The following RPH3AL variants were observed in gnomAD, a reference collection of about 807,000 sequenced individuals.
RPH3AL encodes rabphilin 3A like (without C2 domains), also known as rab effector Noc2.
In RPH3AL, 38 loss-of-function variants were observed where a neutral mutation model predicts 43.1. The observed-to-expected ratio is 0.88, with a 90% CI of 0.68 to 1.15. The LOEUF is 1.15. Ranked by LOEUF, RPH3AL falls within the 50% of genes most tolerant of loss-of-function variation. The pLI, the probability that RPH3AL is intolerant of heterozygous loss-of-function variation, is 0.00. For missense variants in RPH3AL, 462 were observed against 423.2 expected, an observed-to-expected ratio of 1.09 and a Z score of -0.81; for synonymous variants, 189 against 176.3, an observed-to-expected ratio of 1.07 and a Z score of -0.57.
rs1165998989 is a variant in RPH3AL at position 283,607 on chromosome 17, C to G, written c.352-1753G>C. On this transcript the variant is annotated intron_variant, in intron 5 of 9. Coordinates refer to ENST00000331302, the MANE Select transcript of RPH3AL (RefSeq NM_006987.4). This position sits in a 1 kb window ranked among gnomAD's most constrained non-coding sequence, Gnocchi z 4.2. ...CCAGATCTGCAGAGGGTCCCCTGAGCGCCGTCCACACTCCTCACTGCTGGC... is the reference window on the plus strand; with the variant it reads ...CCAGATCTGCAGAGGGTCCCCTGAGGGCCGTCCACACTCCTCACTGCTGGC... Among the ~76,000 whole-genome samples, 1 of 152,032 alleles carries G rather than the reference C, an allele frequency of 6.6e-6. No homozygotes were observed. Among genetic ancestry groups the G allele is most frequent in the East Asian group, 1.9e-4 (1 of 5,164 alleles).
intron 6 of RPH3AL, among the ~76,000 whole-genome samples, chr17:252,502 C>A (rs1327485594): frequency 6.6e-6 from 1 of 152,292 alleles, no homozygotes; most frequent in African/African-American, 2.4e-5. Flanking sequence ...CCCTGTCCCC[C>A]AACACCTCAC....
intron 7 of RPH3AL, among the ~76,000 whole-genome samples, chr17:236,068 G>T (rs1170990300): frequency 6.6e-6 from 1 of 150,810 alleles, no homozygotes; most frequent in Non-Finnish European, 1.5e-5. Flanking sequence ...TCAAAGCTGG[G>T]GTCGGCCACA....
intron 6 of RPH3AL, among the ~76,000 whole-genome samples, chr17:262,353 T>C (rs955098734): frequency 7.9e-5 from 12 of 152,034 alleles, no homozygotes; most frequent in Non-Finnish European, 1.0e-4. Context: ...GTAGCTGGGA[T>C]TACAGGCACC....
At chr17:227,234 T>A (rs979701310) in intron 7 of RPH3AL, among the ~76,000 whole-genome samples, 1 of 152,236 alleles carries the variant, frequency 6.6e-6, no homozygotes. Flanking sequence ...CCCACTTCTC[T>A]GGGGAGAGGC....
Position 289,788 on chromosome 17 carries a change from T to C in RPH3AL, c.352-7934A>G, listed in dbSNP as rs867773130. ...TGTTGCCCCCTCTGTGTGGCCACGC[T>C]GTCTCTTCATTAACCTACACACCCC... On this transcript the variant is annotated intron_variant, in intron 5 of 9. Transcript: ENST00000331302. The surrounding 1 kb of genome is among the most constrained non-coding windows in gnomAD (Gnocchi z 5.2). Among the ~76,000 whole-genome samples, 12 of 152,350 alleles carry C rather than the reference T, an allele frequency of 7.9e-5. No individual in the cohort carries two copies. Among genetic ancestry groups the C allele is most frequent in the Middle Eastern group, 3.4e-3 (1 of 294 alleles).
chr17:244,733 G>T (rs143765560), intron 7 of RPH3AL, among the ~76,000 whole-genome samples: 2,566 of 152,296 alleles, frequency 0.017, 40 homozygotes, highest in Middle Eastern at 0.037. Flanking sequence ...CCTCGCCCAT[G>T]AAATTAAAAG....
chr17:218,786 G>A (rs116361317), intron 8 of RPH3AL, among the ~76,000 whole-genome samples: 156 of 152,278 alleles, frequency 1.0e-3, no homozygotes, highest in African/African-American at 3.6e-3. Context: ...GAGGCCACCC[G>A]TTCTGTCTCA....
rs560041461 is a variant in RPH3AL at position 272,007 on chromosome 17, G to T, written c.438+9761C>A. The stretch of plus-strand genomic sequence containing the variant: ...GCAGCCAAAAAACACATGAAAAAAT[G>T]CTCACCATCACTGGCCATCAGAGAA... On this transcript the variant is annotated intron_variant, in intron 6 of 9. Transcript: ENST00000331302. Among the ~76,000 whole-genome samples the T allele has an allele frequency of 4.6e-4, 70 of 152,290 alleles. No homozygotes were observed. The Middle Eastern group carries it at 0.01, about 22-fold the overall frequency.
intron 5 of RPH3AL, among the ~76,000 whole-genome samples, chr17:307,807 T>G (rs2043539620): frequency 6.6e-6 from 1 of 152,210 alleles, no homozygotes; most frequent in African/African-American, 2.4e-5. Flanking sequence ...CTGCTCCTTC[T>G]TTCTTTGGAA....
At chr17:277,040 A>G (rs1458250808) in intron 6 of RPH3AL, among the ~76,000 whole-genome samples, 2 of 152,250 alleles carry the variant, frequency 1.3e-5, no homozygotes, top group African/African-American at 4.8e-5. Context: ...ATAACTCAAG[A>G]GTCTACAAGA....
At chr17:248,860 A>G (rs1232526386) in intron 6 of RPH3AL, among the ~76,000 whole-genome samples, 1 of 152,188 alleles carries the variant, frequency 6.6e-6, no homozygotes, top group African/African-American at 2.4e-5. Flanking sequence ...AGCAAAGGGC[A>G]CCCAGAAGGT....
rs2042279405 is a variant in RPH3AL at position 264,604 on chromosome 17, G to A, written c.438+17164C>T. Among the ~76,000 whole-genome samples the A allele has an allele frequency of 6.6e-6, 1 of 152,208 alleles. No individual in the cohort carries two copies. Among genetic ancestry groups the A allele is most frequent in the Non-Finnish European group, 1.5e-5 (1 of 68,034 alleles). Reference sequence around the variant, plus strand: ...ATGGTGGTTTTCCGCTGATCGGTGTGAGGAGGGCATGAAGCATGTCACAAG... The same window carrying A: ...ATGGTGGTTTTCCGCTGATCGGTGTAAGGAGGGCATGAAGCATGTCACAAG... On this transcript the variant is annotated intron_variant, in intron 6 of 9. Transcript: ENST00000331302. This position sits in a 1 kb window ranked among gnomAD's most constrained non-coding sequence, Gnocchi z 4.8.
chr17:269,001 C>T (rs2042392349), intron 6 of RPH3AL, among the ~76,000 whole-genome samples: 1 of 152,180 alleles, frequency 6.6e-6, no homozygotes, highest in Non-Finnish European at 1.5e-5. Context: ...GCCTCAGCCT[C>T]CCGAGTAGCT....
At chr17:321,462 A>C in intron 3 of RPH3AL, 47 bp from the exon 4 acceptor site, 1 of 1,500,990 alleles carries the variant, frequency 6.7e-7, no homozygotes, top group Non-Finnish European at 8.9e-7. Flanking sequence ...CCCGGTGCAA[A>C]CTCCGGCAGC....
At position 321,295 on chromosome 17, in the gene RPH3AL, G is replaced by A. The variant is rs371885365; in HGVS notation, c.198C>T (p.Asp66=). The change falls in exon 4 of 10, where the codon GAC becomes GAT. Residue 66 remains aspartate (D), a synonymous_variant. Transcript: ENST00000331302. ...ACCCGATTCTCTGCTGCTCCAGGAC[G>A]TCGAGCCGCTCTGCCCTCTGGATGA... The part of the protein sequence containing the change: ...LQVIQRAERL[D]VLEQQRIGRL... 200 of 1,609,258 alleles carry A rather than the reference G, an allele frequency of 1.2e-4. 1 individual carries two copies. The highest frequency in any genetic ancestry group is 3.0e-4 in the Admixed American group (18 of 59,986).
chr17:335,511 T>C (rs2044929997), intron 1 of RPH3AL, among the ~76,000 whole-genome samples: 1 of 151,982 alleles, frequency 6.6e-6, no homozygotes, highest in African/African-American at 2.4e-5. Flanking sequence ...GCCCGTAGAC[T>C]GAGGAGGGGT....
intron 7 of RPH3AL, among the ~76,000 whole-genome samples, chr17:241,097 T>TC (rs1328495717): frequency 2.7e-4 from 24 of 90,362 alleles, no homozygotes; most frequent in Non-Finnish European, 5.3e-4. Flanking sequence ...ATAATAATAA[T>TC]AATCTTGTTG....
intron 6 of RPH3AL, among the ~76,000 whole-genome samples, chr17:248,566 C>G (rs778365417): frequency 2.6e-5 from 4 of 152,184 alleles, no homozygotes; most frequent in Non-Finnish European, 5.9e-5. Flanking sequence ...CCCCAGGAAT[C>G]CAGGGATGCC....
rs980963795 is a variant in RPH3AL at position 264,919 on chromosome 17, G to T, written c.438+16849C>A. On this transcript the variant is annotated intron_variant, in intron 6 of 9. Coordinates refer to ENST00000331302, the MANE Select transcript of RPH3AL (RefSeq NM_006987.4). The surrounding 1 kb of genome is among the most constrained non-coding windows in gnomAD (Gnocchi z 4.8). Reference sequence around the variant, plus strand: ...CTAAATTACTAATGTACACATAACTGCAAAACATGAAAATGTATAAGAAAT... The same window carrying T: ...CTAAATTACTAATGTACACATAACTTCAAAACATGAAAATGTATAAGAAAT... Among the ~76,000 whole-genome samples, 21 of 152,096 alleles carry T rather than the reference G, an allele frequency of 1.4e-4. No homozygotes were observed. The highest frequency in any genetic ancestry group is 4.8e-4 in the African/African-American group (20 of 41,398).
Sources: gnomAD v4.1 joint callset for allele counts (sites outside exome capture counted in the v4.1 genomes callset) on GRCh38, gnomAD v4.1.1 for gene constraint, Gnocchi (gnomAD v3.1) non-coding constraint, MANE v1.5 for transcripts, NCBI Gene and HGNC (gene_info 2026-07-23, HGNC 2026-07-21) for gene names.